MAP3K7CL: variants seen among roughly 807,000 people sequenced by gnomAD.
MAP3K7CL encodes MAP3K7 C-terminal-like protein.
MAP3K7CL carries 16 observed loss-of-function variants against 18.6 expected under a neutral mutation model. That is an observed-to-expected ratio of 0.86 (90% CI 0.58 to 1.31). MAP3K7CL has a LOEUF of 1.31. Ranked by LOEUF, MAP3K7CL falls within the 50% of genes most tolerant of loss-of-function variation. The pLI is 0.00. For synonymous variants in MAP3K7CL, 65 were observed against 66.8 expected (o/e 0.97, Z 0.13); for missense variants, 163 against 174.4 (o/e 0.93, Z 0.37).
At chr21:29,091,580 A>G (rs1340254212) in intron 2 of MAP3K7CL, 9 of 701,044 alleles carry the variant, frequency 1.3e-5, no homozygotes, top group Admixed American at 1.2e-4. Context: ...GGCCCAGGTA[A>G]TTGTCCCACC....
At chr21:29,153,134 C>T (rs191371797) in intron 3 of MAP3K7CL, among the ~76,000 whole-genome samples, 1 of 152,306 alleles carries the variant, frequency 6.6e-6, no homozygotes, top group Non-Finnish European at 1.5e-5. Flanking sequence ...AAGCCTTGTG[C>T]AAGAATAGCA....
intron 1 of MAP3K7CL, among the ~76,000 whole-genome samples, chr21:29,077,950 T>G (rs2085776264): frequency 6.6e-6 from 1 of 152,244 alleles, no homozygotes; most frequent in African/African-American, 2.4e-5. Flanking sequence ...CTGAGCCATC[T>G]TAGGATTCTG....
chr21:29,114,391 T>G (rs2086470500), intron 4 of MAP3K7CL, among the ~76,000 whole-genome samples: 1 of 148,730 alleles, frequency 6.7e-6, no homozygotes, highest in Admixed American at 6.7e-5. Context: ...TATATTTATT[T>G]ATTTTTTATT....
At chr21:29,131,464 G>T (rs1289274155) in intron 1 of MAP3K7CL, 1 of 152,150 alleles carries the variant, frequency 6.6e-6, no homozygotes, top group Non-Finnish European at 1.5e-5. Context: ...TTCCCTAGGT[G>T]GCTAACAAAA....
chr21:29,157,897 G>A (rs2087446604), intron 3 of MAP3K7CL, among the ~76,000 whole-genome samples: 1 of 152,132 alleles, frequency 6.6e-6, no homozygotes, highest in South Asian at 2.1e-4. Flanking sequence ...CCTTTACACG[G>A]CTGCTCTCTA....
intron 2 of MAP3K7CL, among the ~76,000 whole-genome samples, chr21:29,141,968 TAATTTA>T (rs2146660062): frequency 1.3e-5 from 2 of 152,294 alleles, no homozygotes; most frequent in East Asian, 3.9e-4. Context: ...AATAAAATAT[TAATTTA>T]AATTTAGATT....
At position 29,150,806 on chromosome 21, in the gene MAP3K7CL, G is replaced by T. The variant is rs1393527033; in HGVS notation, c.132+1556G>T. On this transcript the variant is annotated intron_variant, in intron 3 of 4. Coordinates refer to ENST00000399928, the MANE Select transcript of MAP3K7CL (RefSeq NM_001286620.2). ...TTTTTTTGAGACAGAGTCTCCCTTG[G>T]TCACCCAGGCTGGAGTGCAGTGATG... 2.1e-5 allele frequency among the ~76,000 whole-genome samples: 3 copies of T among 144,804 alleles called. No homozygotes were observed. In the East Asian group the frequency reaches 6.1e-4, roughly 29 times the overall value. 95.0% of individuals were successfully genotyped at this position (144,804 alleles called of 152,430 possible).
chr21:29,109,717 T>C, intron 4 of MAP3K7CL: 2 of 986,070 alleles, frequency 2.0e-6, no homozygotes, highest in Non-Finnish European at 2.4e-6. Context: ...ATACAAACCT[T>C]ATACAAACAG....
chr21:29,079,292 C>T (rs1040898677), intron 1 of MAP3K7CL, among the ~76,000 whole-genome samples: 13 of 152,330 alleles, frequency 8.5e-5, no homozygotes, highest in African/African-American at 2.9e-4. Flanking sequence ...ACTCAGGCCA[C>T]AGGAGAAGCA....
rs115051633 is a variant in MAP3K7CL, at chr21:29,078,412, G to C, written c.-49+699G>C. On this transcript the variant is annotated intron_variant, in intron 1 of 7. Coordinates refer to the MAP3K7CL transcript ENST00000341618. Reference sequence around the variant, plus strand: ...TAATTTATACCCTTATTCACTTTCTGAGTTTGGAAACAACCAAGAAAATAG... The same window carrying C: ...TAATTTATACCCTTATTCACTTTCTCAGTTTGGAAACAACCAAGAAAATAG... 8.2e-3 allele frequency among the ~76,000 whole-genome samples: 1,247 copies of C among 152,170 alleles called. 15 individuals carry two copies. The highest frequency in any genetic ancestry group is 0.028 in the African/African-American group (1,164 of 41,496).
At chr21:29,080,528 A>T (rs1046473836) in intron 1 of MAP3K7CL, 5 of 152,062 alleles carry the variant, frequency 3.3e-5, no homozygotes, top group African/African-American at 7.3e-5. Context: ...GCCAAAGATA[A>T]CACCTTGCTC....
At chr21:29,085,854 C>T (rs1472013282), upstream of MAP3K7CL, 23 of 1,613,862 alleles carry the variant, frequency 1.4e-5, no homozygotes, top group Non-Finnish European at 1.7e-5. Context: ...TCATGCAAAG[C>T]GACTAGATGG....
chr21:29,158,874 T>C (rs1014955397), intron 3 of MAP3K7CL, among the ~76,000 whole-genome samples: 1 of 151,020 alleles, frequency 6.6e-6, no homozygotes, highest in Non-Finnish European at 1.5e-5. Flanking sequence ...TTGAAAAGGG[T>C]GATTTAAAAA....
At chr21:29,085,074 G>A (rs2085900756), upstream of MAP3K7CL, 1 of 152,224 alleles carries the variant, frequency 6.6e-6, no homozygotes, top group African/African-American at 2.4e-5. Context: ...CATTTGAGGT[G>A]TGGAATAACC....
chr21:29,137,231 C>G (rs1374966200), intron 2 of MAP3K7CL, among the ~76,000 whole-genome samples: 5 of 152,146 alleles, frequency 3.3e-5, no homozygotes. Flanking sequence ...CATTACTGAC[C>G]TGCAGTTATT....
chr21:29,127,892 T>G (rs2086706970), upstream of MAP3K7CL: 1 of 152,226 alleles, frequency 6.6e-6, no homozygotes, highest in Non-Finnish European at 1.5e-5. Flanking sequence ...TCCGTTGTGT[T>G]TAATATGTAA....
chr21:29,089,084 C>G (rs963309208), intron 1 of MAP3K7CL, among the ~76,000 whole-genome samples: 2 of 140,984 alleles, frequency 1.4e-5, no homozygotes, highest in African/African-American at 2.6e-5. Flanking sequence ...GCAGGAGAAT[C>G]ACTTGTACCC....
upstream of MAP3K7CL, among the ~76,000 whole-genome samples, chr21:29,126,133 A>G (rs942512193): frequency 1.3e-5 from 2 of 152,252 alleles, no homozygotes; most frequent in African/African-American, 4.8e-5. Context: ...CATGTGCCAT[A>G]CGGCACTGTG....
chr21:29,078,682 G>A (rs1399893781), intron 1 of MAP3K7CL, among the ~76,000 whole-genome samples: 2 of 152,140 alleles, frequency 1.3e-5, no homozygotes, highest in Non-Finnish European at 2.9e-5. Context: ...AACCAAAAGA[G>A]TAAGACTAAA....
Sources: allele counts gnomAD v4.1 joint callset (sites outside exome capture counted in the v4.1 genomes callset), GRCh38; gene constraint gnomAD v4.1.1; transcripts MANE v1.5; gene names NCBI Gene and HGNC (gene_info 2026-07-23, HGNC 2026-07-21).